OPCML: variants seen among roughly 807,000 people sequenced by gnomAD.
The protein encoded by OPCML is opioid binding protein/cell adhesion molecule like.
OPCML carries 13 observed loss-of-function variants against 37.8 expected under a neutral mutation model. The ratio of observed to expected loss-of-function variants is 0.34; its 90% CI spans 0.22 to 0.55. OPCML has a LOEUF of 0.55. OPCML is among the 20% of genes least tolerant of loss of function. The pLI is 0.91. For synonymous variants in OPCML, 176 were observed against 168.8 expected, an observed-to-expected ratio of 1.04 and a Z score of -0.33; for missense variants, 341 against 435.6, an observed-to-expected ratio of 0.78 and a Z score of 1.93.
chr11:132,778,963 T>TC (rs1459885878), intron 2 of OPCML, among the ~76,000 whole-genome samples: 13 of 138,720 alleles, frequency 9.4e-5, no homozygotes, highest in African/African-American at 3.5e-4. Flanking sequence ...GTATATTTCT[T>TC]TTTTTTTTTT....
At chr11:132,636,043 C>T (rs909818312) in intron 3 of OPCML, among the ~76,000 whole-genome samples, 2 of 152,166 alleles carry the variant, frequency 1.3e-5, no homozygotes, top group African/African-American at 4.8e-5. Flanking sequence ...CACAATTGGG[C>T]ATGTGCTTCC....
chr11:132,506,699 A>G (rs530365087), intron 4 of OPCML, among the ~76,000 whole-genome samples: 1 of 152,300 alleles, frequency 6.6e-6, no homozygotes, highest in Non-Finnish European at 1.5e-5. Flanking sequence ...ATGCTCCTGG[A>G]AAATATAAAT....
chr11:132,740,323 C>G (rs1945397395), intron 2 of OPCML, among the ~76,000 whole-genome samples: 1 of 152,202 alleles, frequency 6.6e-6, no homozygotes, highest in African/African-American at 2.4e-5. Context: ...AAGCTTGGTT[C>G]ACTGTTACTT....
intron 2 of OPCML, among the ~76,000 whole-genome samples, chr11:132,933,034 C>T (rs1945261332): frequency 6.6e-6 from 1 of 152,040 alleles, no homozygotes; most frequent in South Asian, 2.1e-4. Flanking sequence ...CACTAAGCAC[C>T]CATTGACTCG....
intron 1 of OPCML, among the ~76,000 whole-genome samples, chr11:133,204,505 C>T (rs1237151944): frequency 6.6e-6 from 1 of 152,110 alleles, no homozygotes; most frequent in Non-Finnish European, 1.5e-5. Flanking sequence ...TTTGTCAGGT[C>T]CCTGTGGCCT....
At chr11:132,725,123 C>T (rs1944829963) in intron 2 of OPCML, among the ~76,000 whole-genome samples, 1 of 152,196 alleles carries the variant, frequency 6.6e-6, no homozygotes, top group Non-Finnish European at 1.5e-5. Flanking sequence ...GGCTCCAACT[C>T]CACATTTCTT....
chr11:133,127,500 A>G (rs951950995), intron 1 of OPCML, among the ~76,000 whole-genome samples: 1 of 151,826 alleles, frequency 6.6e-6, no homozygotes, highest in Non-Finnish European at 1.5e-5. Context: ...AGGCATGGTG[A>G]TGCATGTCTG....
At chr11:132,998,574 G>T (rs1008146071) in intron 1 of OPCML, among the ~76,000 whole-genome samples, 1 of 152,078 alleles carries the variant, frequency 6.6e-6, no homozygotes, top group Admixed American at 6.5e-5. Flanking sequence ...TCATGTTGTC[G>T]TTAGGCATAA....
At chr11:132,936,640 C>T (rs1345556223) in intron 2 of OPCML, among the ~76,000 whole-genome samples, 1 of 152,084 alleles carries the variant, frequency 6.6e-6, no homozygotes, top group East Asian at 1.9e-4. Flanking sequence ...CTAAACTTCT[C>T]TACCGGGAAA....
intron 3 of OPCML, among the ~76,000 whole-genome samples, chr11:132,562,342 T>C (rs1044845490): frequency 1.3e-5 from 2 of 151,284 alleles, no homozygotes; most frequent in Admixed American, 1.3e-4. Context: ...AAAAAAAAAG[T>C]CTAGTATGAA....
At chr11:133,355,018 A>T (rs1287200152) in intron 1 of OPCML, among the ~76,000 whole-genome samples, 1 of 152,262 alleles carries the variant, frequency 6.6e-6, no homozygotes, top group Non-Finnish European at 1.5e-5. Flanking sequence ...TACTAGGTGC[A>T]CAAACGTCTT....
At chr11:132,828,641 A>AT (rs968693142) in intron 2 of OPCML, among the ~76,000 whole-genome samples, 4 of 152,156 alleles carry the variant, frequency 2.6e-5, no homozygotes, top group African/African-American at 9.7e-5. Flanking sequence ...AAAAAGTGGA[A>AT]TTTTTTTATT....
intron 4 of OPCML, among the ~76,000 whole-genome samples, chr11:132,494,601 T>A (rs1005037074): frequency 6.6e-6 from 1 of 152,138 alleles, no homozygotes; most frequent in Non-Finnish European, 1.5e-5. Context: ...AATTATAGTG[T>A]CTTCAGTCAT....
intron 7 of OPCML, among the ~76,000 whole-genome samples, chr11:132,427,249 A>T (rs576181474): frequency 2.6e-5 from 4 of 152,318 alleles, no homozygotes; most frequent in Admixed American, 1.3e-4. Context: ...TTTGTTCTGA[A>T]ATCTGGATAG....
intron 2 of OPCML, among the ~76,000 whole-genome samples, chr11:132,675,061 T>G (rs1942638674): frequency 6.6e-6 from 1 of 152,068 alleles, no homozygotes; most frequent in East Asian, 1.9e-4. Flanking sequence ...ACAGGCCATC[T>G]AGACAGGTGA....
intron 2 of OPCML, among the ~76,000 whole-genome samples, chr11:132,766,110 AAC>A (rs1491053339): frequency 2.1e-4 from 32 of 151,734 alleles, no homozygotes; most frequent in African/African-American, 7.5e-4. Context: ...AAAAAAAAAA[AAC>A]TAAATAAATG....
intron 1 of OPCML, among the ~76,000 whole-genome samples, chr11:133,324,569 CT>C (rs2136629563): frequency 6.6e-6 from 1 of 152,286 alleles, no homozygotes; most frequent in South Asian, 2.1e-4. Flanking sequence ...TTAGAAGCAA[CT>C]GCTAAGACGC....
chr11:133,393,209 T>C (rs1380399356), intron 1 of OPCML, among the ~76,000 whole-genome samples: 2 of 152,198 alleles, frequency 1.3e-5, no homozygotes, highest in East Asian at 3.8e-4. Context: ...ACAGTGCCAC[T>C]GCGTGTGAGT....
At chr11:133,156,677 G>A (rs1220760082) in intron 1 of OPCML, among the ~76,000 whole-genome samples, 1 of 152,158 alleles carries the variant, frequency 6.6e-6, no homozygotes, top group East Asian at 1.9e-4. Context: ...TACCTATAAA[G>A]AATTATGAAG....
Sources: gnomAD v4.1 joint callset for allele counts (sites outside exome capture counted in the v4.1 genomes callset) on GRCh38, gnomAD v4.1.1 for gene constraint, MANE v1.5 for transcripts, NCBI Gene and HGNC (gene_info 2026-07-23, HGNC 2026-07-21) for gene names.